PRKG1: variants seen among roughly 807,000 people sequenced by gnomAD.
PRKG1 encodes the protein protein kinase cGMP-dependent 1, also known as cGMP-dependent protein kinase 1.
Under a neutral mutation model 88.1 loss-of-function variants are expected in PRKG1, and 35 were observed. That is an observed-to-expected ratio of 0.40 (90% CI 0.30 to 0.53). PRKG1 has a LOEUF of 0.53. Ranked by LOEUF, PRKG1 falls within the 20% of genes least tolerant of loss-of-function variation. The probability of loss-of-function intolerance (pLI) is 0.59; values close to 1 mark genes in which losing one functional copy is unlikely to be tolerated. For synonymous variants in PRKG1, 303 were observed against 292.5 expected (o/e 1.04, Z -0.37); for missense variants, 540 against 839.8 (o/e 0.64, Z 4.41).
At chr10:51,773,078 T>G (rs549896039) in intron 3 of PRKG1, among the ~76,000 whole-genome samples, 1 of 152,162 alleles carries the variant, frequency 6.6e-6, no homozygotes, top group East Asian at 1.9e-4. Context: ...TTGACTAAAA[T>G]AAGTGTTTTA....
At chr10:52,200,406 T>G (rs1839634313) in intron 9 of PRKG1, among the ~76,000 whole-genome samples, 1 of 152,240 alleles carries the variant, frequency 6.6e-6, no homozygotes, top group South Asian at 2.1e-4. Context: ...TTTTTATGGC[T>G]GCATAATATT....
At chr10:51,700,935 AAAG>A (rs1329979017) in intron 3 of PRKG1, among the ~76,000 whole-genome samples, 1 of 152,206 alleles carries the variant, frequency 6.6e-6, no homozygotes, top group Non-Finnish European at 1.5e-5. Flanking sequence ...AAACAAATAA[AAAG>A]AAAGTATTTC....
chr10:51,336,875 C>T (rs1002910690), intron 2 of PRKG1, among the ~76,000 whole-genome samples: 1 of 152,156 alleles, frequency 6.6e-6, no homozygotes, highest in South Asian at 2.1e-4. Flanking sequence ...CAATAAACTA[C>T]CACTGACATT....
chr10:51,775,750 A>G (rs1838418576), intron 3 of PRKG1, among the ~76,000 whole-genome samples: 2 of 151,904 alleles, frequency 1.3e-5, no homozygotes, highest in African/African-American at 4.8e-5. Flanking sequence ...ACGGCCGGCT[A>G]ATGTTTGAAT....
chr10:52,185,407 C>A (rs763012666), intron 9 of PRKG1, among the ~76,000 whole-genome samples: 1 of 152,210 alleles, frequency 6.6e-6, no homozygotes, highest in African/African-American at 2.4e-5. Flanking sequence ...TTGAGTAGCT[C>A]CACCCCTGTG....
chr10:51,377,631 G>T, intron 2 of PRKG1, among the ~76,000 whole-genome samples: 1 of 151,414 alleles, frequency 6.6e-6, no homozygotes, highest in African/African-American at 2.4e-5. Context: ...TGCTAATATT[G>T]AACAATTTTG....
At chr10:51,890,083 T>C (rs1044434933) in intron 4 of PRKG1, among the ~76,000 whole-genome samples, 3 of 152,216 alleles carry the variant, frequency 2.0e-5, no homozygotes, top group Admixed American at 2.0e-4. Flanking sequence ...TTTGTCAATT[T>C]TGGCTTTTGT....
chr10:51,737,937 T>C (rs1488334255), intron 3 of PRKG1, among the ~76,000 whole-genome samples: 1 of 151,470 alleles, frequency 6.6e-6, no homozygotes, highest in African/African-American at 2.4e-5. Context: ...CTAATTTTTT[T>C]TTGTTTGTTT....
intron 2 of PRKG1, among the ~76,000 whole-genome samples, chr10:51,228,851 C>T (rs1838762024): frequency 1.3e-5 from 2 of 152,192 alleles, no homozygotes; most frequent in South Asian, 2.1e-4. Flanking sequence ...TAAAGCCCTA[C>T]GTGGCCTGGA....
intron 1 of PRKG1, among the ~76,000 whole-genome samples, chr10:50,995,103 G>A (rs1401180727): frequency 6.6e-6 from 1 of 152,178 alleles, no homozygotes. Context: ...TTATTGAAAA[G>A]AGTGATGAAA....
At chr10:51,146,025 A>AAACC (rs1845939021) in intron 1 of PRKG1, among the ~76,000 whole-genome samples, 5 of 151,828 alleles carry the variant, frequency 3.3e-5, no homozygotes, top group Admixed American at 2.0e-4. Flanking sequence ...AAAAACAAAC[A>AAACC]AACAAACAAA....
intron 2 of PRKG1, among the ~76,000 whole-genome samples, chr10:51,386,989 C>T (rs1285233972): frequency 1.3e-5 from 2 of 152,180 alleles, no homozygotes; most frequent in Non-Finnish European, 2.9e-5. Context: ...GGAGTGTCCT[C>T]ACCCACCAAG....
At chr10:51,092,713 AG>A (rs1844427928) in intron 1 of PRKG1, among the ~76,000 whole-genome samples, 1 of 149,048 alleles carries the variant, frequency 6.7e-6, no homozygotes, top group Admixed American at 6.6e-5. Flanking sequence ...ATGAAGTTTC[AG>A]TGTGAGAGAA....
intron 2 of PRKG1, among the ~76,000 whole-genome samples, chr10:51,268,162 AGTGTGG>A (rs1281587951): frequency 4.6e-5 from 7 of 152,106 alleles, no homozygotes; most frequent in Admixed American, 4.6e-4. Flanking sequence ...GTACGAATAG[AGTGTGG>A]GTCACAGAGA....
intron 4 of PRKG1, among the ~76,000 whole-genome samples, chr10:51,904,156 G>A (rs1052728056): frequency 6.6e-6 from 1 of 152,124 alleles, no homozygotes; most frequent in African/African-American, 2.4e-5. Flanking sequence ...CCTATTGCAA[G>A]TCCTTAGGGA....
At chr10:52,243,623 C>T (rs1480514470) in intron 9 of PRKG1, among the ~76,000 whole-genome samples, 1 of 152,092 alleles carries the variant, frequency 6.6e-6, no homozygotes, top group East Asian at 1.9e-4. Context: ...GCCCAAGGTC[C>T]TAATTTTTCC....
At chr10:51,445,356 G>C (rs753407065) in intron 2 of PRKG1, among the ~76,000 whole-genome samples, 70 of 151,816 alleles carry the variant, frequency 4.6e-4, no homozygotes, top group Middle Eastern at 3.4e-3. Context: ...TGTGTTCCTA[G>C]TTACTCATTT....
chr10:52,276,175 T>C (rs1841868889), intron 12 of PRKG1, among the ~76,000 whole-genome samples: 1 of 152,174 alleles, frequency 6.6e-6, no homozygotes, highest in Admixed American at 6.6e-5. Context: ...ATGCCCTTTA[T>C]TTCTTTCTCT....
intron 1 of PRKG1, among the ~76,000 whole-genome samples, chr10:51,100,512 C>T (rs1190867701): frequency 6.6e-6 from 1 of 152,162 alleles, no homozygotes; most frequent in African/African-American, 2.4e-5. Context: ...CAATGAAGTA[C>T]AAATATCTCC....
Sources: allele counts gnomAD v4.1 joint callset (sites outside exome capture counted in the v4.1 genomes callset), GRCh38; gene constraint gnomAD v4.1.1; transcripts MANE v1.5; gene names NCBI Gene and HGNC (gene_info 2026-07-23, HGNC 2026-07-21).